The following ATP6V0A1 variants were observed in gnomAD, a reference collection of about 807,000 sequenced individuals.
The protein encoded by ATP6V0A1 is ATPase H+ transporting V0 subunit a1, also known as V-type proton ATPase 116 kDa subunit a 1.
In ATP6V0A1, 43 loss-of-function variants were observed where a neutral mutation model predicts 105.4. The ratio of observed to expected loss-of-function variants is 0.41; its 90% CI spans 0.32 to 0.53. ATP6V0A1 has a LOEUF of 0.53. Among genes scored for constraint, ATP6V0A1 ranks in the 20% least tolerant of loss-of-function variants. The probability of loss-of-function intolerance (pLI) is 0.30; values close to 1 mark genes in which losing one functional copy is unlikely to be tolerated. For missense variants in ATP6V0A1, 676 were observed against 1,051.1 expected (o/e 0.64, Z 4.93); for synonymous variants, 362 against 372.8 (o/e 0.97, Z 0.33).
chr17:42,471,731 CA>C (rs1039826573), intron 5 of ATP6V0A1, among the ~76,000 whole-genome samples: 11 of 146,834 alleles, frequency 7.5e-5, no homozygotes, highest in Admixed American at 6.8e-4. Context: ...AAGACTGTCT[CA>C]AAAAAAAAAT....
At chr17:42,512,848 C>T (rs1483016352) in intron 19 of ATP6V0A1, among the ~76,000 whole-genome samples, 1 of 152,252 alleles carries the variant, frequency 6.6e-6, no homozygotes, top group Non-Finnish European at 1.5e-5. Flanking sequence ...GGGGAGGCCA[C>T]TGAGCCCTCA....
At position 42,470,403 on chromosome 17, in the gene ATP6V0A1, GT is replaced by G. The variant is rs1463979827; in HGVS notation, c.423+189del. On this transcript the variant is annotated intron_variant, in intron 5 of 21. Coordinates refer to ENST00000343619, the MANE Select transcript of ATP6V0A1 (RefSeq NM_001130021.3). ...TTCATGCAGTACACAACCAGCCATGGTTTTGCATTTTTTCACATTTTCTTCA... is the reference window on the plus strand; with the variant it reads ...TTCATGCAGTACACAACCAGCCATGGTTTGCATTTTTTCACATTTTCTTCA... 3 of 651,076 alleles carry G rather than the reference GT, an allele frequency of 4.6e-6. No individual in the cohort carries two copies. The African/African-American group carries it at 5.5e-5, about 12-fold the overall frequency. The allele number at this position is 651,076 out of a possible 1,614,324, so 40.3% of individuals were successfully genotyped here.
In ATP6V0A1 at chr17:42,494,337, C is replaced by T. The variant is rs1476032591; in HGVS notation, c.1178C>T (p.Pro393Leu). The change falls in exon 12 of 22, where the codon CCG (proline) becomes CTG (leucine). Residue 393 changes from proline to leucine, a missense_variant. Pro to Leu is a moderately conservative substitution (Grantham distance 98). Around this residue, in one of 3 missense-constraint regions of ATP6V0A1, gnomAD observed 435 missense variants for 642.2 expected, o/e 0.68. Coordinates refer to ENST00000343619, the MANE Select transcript of ATP6V0A1 (RefSeq NM_001130021.3). ...TCTTTTTTTGGTTTCTTCATAGCTCCGTATACTATTATCACGTTCCCTTTT... is the reference window on the plus strand; with the variant it reads ...TCTTTTTTTGGTTTCTTCATAGCTCTGTATACTATTATCACGTTCCCTTTT... ...IGTYREINPA[P>L]YTIITFPFLF... is the part of the protein sequence containing the mutation. 6.8e-6 allele frequency: 11 copies of T among 1,611,956 alleles called. No individual in the cohort carries two copies. The highest frequency in any genetic ancestry group is 5.4e-5 in the African/African-American group (4 of 74,766).
In ATP6V0A1 at chr17:42,501,635, G is replaced by A. The variant is rs570674100; in HGVS notation, c.2004+331G>A. On this transcript the variant is annotated intron_variant, in intron 17 of 21. Transcript: ENST00000343619. ...TCACCATGTTAGCCAGGCTGGTTTCGAACTCCTAACCTCATGATCCGTCCA... is the reference window on the plus strand; with the variant it reads ...TCACCATGTTAGCCAGGCTGGTTTCAAACTCCTAACCTCATGATCCGTCCA... Among the ~76,000 whole-genome samples, 6 of 151,848 alleles carry A rather than the reference G, an allele frequency of 4.0e-5. No homozygotes were observed. In the South Asian group the frequency reaches 1.0e-3, roughly 26 times the overall value.
At chr17:42,463,557 C>T (rs1441264154) in intron 2 of ATP6V0A1, among the ~76,000 whole-genome samples, 1 of 152,120 alleles carries the variant, frequency 6.6e-6, no homozygotes, top group Non-Finnish European at 1.5e-5. Flanking sequence ...ATGATTACAC[C>T]ACAGTGTTTT....
chr17:42,475,734 A>C (rs1321745553), intron 5 of ATP6V0A1, among the ~76,000 whole-genome samples: 5 of 152,204 alleles, frequency 3.3e-5, no homozygotes, highest in Non-Finnish European at 7.3e-5. Context: ...ACCAGGCACA[A>C]TTTTACTTAA....
intron 21 of ATP6V0A1, chr17:42,520,367 G>T: frequency 2.2e-6 from 1 of 453,130 alleles, no homozygotes; most frequent in Non-Finnish European, 4.4e-6. Flanking sequence ...GAGTGAAAGG[G>T]CCCCACAGAG....
intron 19 of ATP6V0A1, 145 bp downstream of exon 19, chr17:42,508,734 T>C: frequency 8.8e-7 from 1 of 1,133,114 alleles, no homozygotes; most frequent in South Asian, 1.4e-5. Flanking sequence ...TCAAACCAGT[T>C]CGTGAGCCTG....
At chr17:42,462,044 CAA>C (rs1040242459) in intron 2 of ATP6V0A1, among the ~76,000 whole-genome samples, 7 of 52,900 alleles carry the variant, frequency 1.3e-4, no homozygotes, top group Admixed American at 2.1e-4. Context: ...CCGTCTCTGC[CAA>C]AAAAAAAAAA....
At chr17:42,460,747 T>G in intron 1 of ATP6V0A1, 101 bp from the exon 2 acceptor site, 1 of 652,476 alleles carries the variant, frequency 1.5e-6, no homozygotes, top group Non-Finnish European at 2.8e-6. Context: ...CCTGTCCTCA[T>G]GGGGTGTTAG....
At chr17:42,462,658 G>A (rs1289335885) in intron 2 of ATP6V0A1, among the ~76,000 whole-genome samples, 1 of 152,088 alleles carries the variant, frequency 6.6e-6, no homozygotes, top group African/African-American at 2.4e-5. Flanking sequence ...GACCTCTGGT[G>A]ATCCACCCGC....
At chr17:42,519,522 A>G (rs1007245870) in intron 21 of ATP6V0A1, 4 of 152,268 alleles carry the variant, frequency 2.6e-5, no homozygotes, top group African/African-American at 9.6e-5. Context: ...CCACATGGGA[A>G]CACAGTCTAT....
At chr17:42,501,174 T>C in intron 16 of ATP6V0A1, 23 bp from the exon 17 acceptor site, 1 of 1,577,832 alleles carries the variant, frequency 6.3e-7, no homozygotes, top group Non-Finnish European at 8.7e-7. Context: ...ATGATGTACC[T>C]TGTCCTTCTT....
intron 10 of ATP6V0A1, among the ~76,000 whole-genome samples, chr17:42,490,061 A>G (rs1871420695): frequency 6.6e-6 from 1 of 152,204 alleles, no homozygotes; most frequent in African/African-American, 2.4e-5. Flanking sequence ...GCTCAGCCAG[A>G]CTGCAAGGGA....
intron 14 of ATP6V0A1, 102 bp from the exon 15 acceptor site, chr17:42,498,822 C>G: frequency 1.3e-6 from 1 of 793,952 alleles, no homozygotes; most frequent in Non-Finnish European, 2.0e-6. Flanking sequence ...CGAGACTCGT[C>G]TCTAAATAAA....
At chr17:42,480,997 C>A in intron 8 of ATP6V0A1, 1 of 277,642 alleles carries the variant, frequency 3.6e-6, no homozygotes, top group Non-Finnish European at 6.8e-6. Flanking sequence ...TCACGGCTCA[C>A]GGCAGCCTTG....
At chr17:42,480,635 C>G in intron 7 of ATP6V0A1, 32 bp from the exon 8 acceptor site, 1 of 1,592,040 alleles carries the variant, frequency 6.3e-7, no homozygotes, top group Non-Finnish European at 8.5e-7. Flanking sequence ...ATACAGAAGT[C>G]TGAACTCTTG....
intron 17 of ATP6V0A1, among the ~76,000 whole-genome samples, chr17:42,506,416 G>C (rs748536839): frequency 2.0e-5 from 3 of 152,218 alleles, no homozygotes. Context: ...TAGATCTGAG[G>C]TGGGCATTAA....
chr17:42,518,449 G>A (rs2092711795), intron 21 of ATP6V0A1: 1 of 152,260 alleles, frequency 6.6e-6, no homozygotes, highest in Non-Finnish European at 1.5e-5. Context: ...AGACAGATGT[G>A]TGTTGTAGGC....
Sources: allele counts gnomAD v4.1 joint callset (sites outside exome capture counted in the v4.1 genomes callset), GRCh38; gene constraint gnomAD v4.1.1; regional missense constraint gnomAD v4.1.1; transcripts MANE v1.5; gene names NCBI Gene and HGNC (gene_info 2026-07-23, HGNC 2026-07-21).